KCNAB2: variants seen among roughly 807,000 people sequenced by gnomAD.
KCNAB2 encodes potassium voltage-gated channel subfamily A regulatory beta subunit 2.
A neutral mutation model predicts 63.6 loss-of-function variants in KCNAB2; 29 were observed. The observed-to-expected ratio is 0.46, with a 90% CI of 0.34 to 0.62. The LOEUF is 0.62. Among genes scored for constraint, KCNAB2 ranks in the 20% least tolerant of loss-of-function variants. The pLI, the probability that KCNAB2 is intolerant of heterozygous loss-of-function variation, is 0.01. For synonymous variants in KCNAB2, 222 were observed against 224.2 expected (o/e 0.99, Z 0.09); for missense variants, 359 against 563.9 (o/e 0.64, Z 3.68).
intron 1 of KCNAB2, among the ~76,000 whole-genome samples, chr1:6,004,982 GCAGGCA>G (rs1366942589): frequency 3.0e-4 from 33 of 110,292 alleles, no homozygotes; most frequent in South Asian, 1.5e-3. Context: ...GGATGAGGGT[GCAGGCA>G]GAGATCTGGG....
chr1:6,045,437 A>G (rs1660835311), upstream of KCNAB2, among the ~76,000 whole-genome samples: 1 of 152,126 alleles, frequency 6.6e-6, no homozygotes, highest in Non-Finnish European at 1.5e-5. This position sits in a 1 kb window ranked among gnomAD's most constrained non-coding sequence, Gnocchi z 4.8. Flanking sequence ...AGGTCAGGAC[A>G]TGTGCCGTGG....
At chr1:6,085,766 G>A (rs150185569) in intron 6 of KCNAB2, 372 of 909,424 alleles carry the variant, frequency 4.1e-4, no homozygotes, top group Middle Eastern at 5.6e-4. Flanking sequence ...CAGCCTCTCC[G>A]GAGCTCACTG....
Position 5,994,787 on chromosome 1 carries a change from C to A in KCNAB2, c.-53+1999C>A, listed in dbSNP as rs553305156. Among the ~76,000 whole-genome samples the A allele has an allele frequency of 1.3e-5, 2 of 152,268 alleles. No individual in the cohort carries two copies. The highest frequency in any genetic ancestry group is 3.9e-4 in the East Asian group (2 of 5,176). The stretch of plus-strand genomic sequence containing the variant: ...AAAGGCCGAGGGTGCCATGGGCTGG[C>A]CAGCTAGAGAAGGCTTCCTCGCTTT... On this transcript the variant is annotated intron_variant, in intron 1 of 16. Coordinates refer to the KCNAB2 transcript ENST00000341524. This position sits in a 1 kb window ranked among gnomAD's most constrained non-coding sequence, Gnocchi z 5.4.
intron 1 of KCNAB2, among the ~76,000 whole-genome samples, chr1:6,039,203 G>T (rs187907346): frequency 6.6e-6 from 1 of 152,186 alleles, no homozygotes; most frequent in Admixed American, 6.5e-5. Context: ...GCAAGCATCC[G>T]CAGACAGTGT....
chr1:6,021,061 C>G (rs763969841), intron 1 of KCNAB2, among the ~76,000 whole-genome samples: 12 of 152,204 alleles, frequency 7.9e-5, no homozygotes, highest in Non-Finnish European at 1.5e-4. Flanking sequence ...GGCACAATCA[C>G]AGCTCACTGC....
intron 1 of KCNAB2, among the ~76,000 whole-genome samples, chr1:5,998,786 T>G (rs569027507): frequency 6.6e-6 from 1 of 152,260 alleles, no homozygotes; most frequent in African/African-American, 2.4e-5. Context: ...TTCCAAGCAC[T>G]CGCCAACCAA....
intron 1 of KCNAB2, among the ~76,000 whole-genome samples, chr1:6,047,522 C>G (rs1017039753): frequency 1.5e-4 from 23 of 152,168 alleles, no homozygotes; most frequent in African/African-American, 5.3e-4. Flanking sequence ...GGAGTCCCCC[C>G]CACACAAGAG....
rs975122734 is a variant in KCNAB2 at position 6,046,159 on chromosome 1, C to T, written c.-51C>T. The T allele has an allele frequency of 3.0e-5, 30 of 985,246 alleles. No homozygotes were observed. The highest frequency in any genetic ancestry group is 1.1e-4 in the East Asian group (1 of 8,820). 61.0% of individuals were successfully genotyped at this position (985,246 alleles called of 1,614,324 possible). On this transcript the variant is annotated 5_prime_UTR_variant, in exon 1 of 16. The change creates a new upstream start codon in the 5' untranslated region. Coordinates refer to ENST00000378083, the MANE Select transcript of KCNAB2 (RefSeq NM_001199862.2). The stretch of plus-strand genomic sequence containing the variant: ...ATAAACCAGACTGTGGCCTTTTTAA[C>T]GAGCAGACGCCCCCACGAAGGCAGG...
Position 6,012,329 on chromosome 1 carries a change from T to C in KCNAB2, c.-53+19541T>C, listed in dbSNP as rs372474484. ...TGGTGGGTGGAGGTGGAGATGGAGG[T>C]AGTGGTGGAGGTGATGAAGGCGGAG... On this transcript the variant is annotated intron_variant, in intron 1 of 16. Coordinates refer to the KCNAB2 transcript ENST00000341524. Among the ~76,000 whole-genome samples, 9 of 9,692 alleles carry C rather than the reference T, an allele frequency of 9.3e-4. 1 individual carries two copies. Among genetic ancestry groups the C allele is most frequent in the South Asian group, 6.2e-3 (1 of 162 alleles). 6.4% of individuals were successfully genotyped at this position (9,692 alleles called of 152,430 possible). A position where few individuals can be genotyped will look rare whatever the true frequency, so the allele number is the denominator to read the frequency against.
Position 6,100,194 on chromosome 1 carries a change from A to C in KCNAB2, c.*1620A>C. On this transcript the variant is annotated 3_prime_UTR_variant, in exon 16 of 16. Transcript: ENST00000378083. ...GGCCTGGGAAACTGTGAAAGTCAGA[A>C]AGGCCAGCGGGGAGAGGCTGGGGCG... 8.8e-7 allele frequency: 1 copy of C among 1,131,204 alleles called. No homozygotes were observed. The highest frequency in any genetic ancestry group is 1.2e-6 in the Non-Finnish European group (1 of 846,716). The allele number at this position is 1,131,204 out of a possible 1,614,324, so 70.1% of individuals were successfully genotyped here. A position where few individuals can be genotyped will look rare whatever the true frequency, so the allele number is the denominator to read the frequency against.
rs1318850123 is a variant in KCNAB2, at chr1:6,097,326, A to T, written c.1127A>T (p.Asp376Val). The part of the protein sequence containing the change: ...SSVLLGASNA[D>V]QLMENIGAIQ... ...GTGCTCCTGGGGGCCTCCAATGCGG[A>T]CCAGCTCATGGAGAACATTGGGGCA... Residue 376 changes from aspartate to valine, a missense_variant, in exon 15 of 16, where the codon GAC becomes GTC. This residue lies in a region of KCNAB2 where 271 missense variants were observed against 476.1 expected (regional missense o/e 0.57). Transcript: ENST00000378083. 5 of 1,552,978 alleles carry T rather than the reference A, an allele frequency of 3.2e-6. No individual in the cohort carries two copies. Among genetic ancestry groups the T allele is most frequent in the Non-Finnish European group, 2.6e-6 (3 of 1,147,642 alleles).
chr1:6,011,317 G>A (rs1658132629), intron 1 of KCNAB2, among the ~76,000 whole-genome samples: 1 of 151,324 alleles, frequency 6.6e-6, no homozygotes, highest in Non-Finnish European at 1.5e-5. Flanking sequence ...CTGTGCCCAG[G>A]GCCAAGTGTG....
At chr1:5,996,087 G>A (rs1656921892) in intron 1 of KCNAB2, 1 of 152,326 alleles carries the variant, frequency 6.6e-6, no homozygotes, top group Admixed American at 6.5e-5. Flanking sequence ...ATCTTCGGGT[G>A]AGTCTATTAA....
In KCNAB2 at chr1:6,040,770, C is replaced by T. The variant is rs1005010560; in HGVS notation, c.77+125C>T. On this transcript the variant is annotated intron_variant, in intron 2 of 15. Coordinates refer to the KCNAB2 transcript ENST00000164247. The stretch of plus-strand genomic sequence containing the variant: ...CCCAAGCAGGGCCCACAGGCTTCTG[C>T]CTTCCACGGGGTTTTGAGGTGCACG... 2.1e-5 allele frequency: 13 copies of T among 629,916 alleles called. No individual in the cohort carries two copies. In the African/African-American group the frequency reaches 2.4e-4, roughly 12 times the overall value. 39.0% of individuals were successfully genotyped at this position (629,916 alleles called of 1,614,324 possible).
intron 1 of KCNAB2, among the ~76,000 whole-genome samples, chr1:6,050,273 G>T (rs761113487): frequency 6.6e-6 from 1 of 152,220 alleles, no homozygotes; most frequent in African/African-American, 2.4e-5. Context: ...CAGCTGAAAT[G>T]GTGACTTCCC....
intron 11 of KCNAB2, among the ~76,000 whole-genome samples, 177 bp from the exon 12 acceptor site, chr1:6,095,146 T>C (rs1334307856): frequency 6.6e-6 from 1 of 152,158 alleles, no homozygotes; most frequent in East Asian, 1.9e-4. Flanking sequence ...TTTTCCCAGC[T>C]CACCAGGGCC....
intron 2 of KCNAB2, among the ~76,000 whole-genome samples, chr1:6,063,626 G>T (rs1662506644): frequency 6.6e-6 from 1 of 151,956 alleles, no homozygotes. Flanking sequence ...AGCCAGGCTG[G>T]TCTCAAATTC....
At position 6,096,724 on chromosome 1, in the gene KCNAB2, G is replaced by A. The variant is rs1412008730; in HGVS notation, c.1037G>A (p.Arg346His). The A allele has an allele frequency of 7.5e-6, 12 of 1,593,428 alleles. No individual in the cohort carries two copies. The highest frequency in any genetic ancestry group is 3.4e-5 in the South Asian group (3 of 87,858). Reference protein sequence around the residue: ...KLKELQAIAERLGCTLPQLAI... With the variant: ...KLKELQAIAEHLGCTLPQLAI... ...AAGGAGCTGCAGGCCATCGCCGAGC[G>A]CCTGGGCTGCACCCTGCCCCAGCTG... The change falls in exon 14 of 16, where the codon CGC (arginine) becomes CAC (histidine). Residue 346 changes from arginine to histidine, a missense_variant. Coordinates refer to ENST00000378083, the MANE Select transcript of KCNAB2 (RefSeq NM_001199862.2). This position sits in a 1 kb window ranked among gnomAD's most constrained non-coding sequence, Gnocchi z 5.9.
At chr1:6,079,514 A>G (rs1163560241) in intron 4 of KCNAB2, among the ~76,000 whole-genome samples, 2 of 143,266 alleles carry the variant, frequency 1.4e-5, no homozygotes, top group African/African-American at 2.5e-5. Flanking sequence ...ATGAGACTCC[A>G]TCTCCCAAAA....
Sources: gnomAD v4.1 joint callset for allele counts (sites outside exome capture counted in the v4.1 genomes callset) on GRCh38, gnomAD v4.1.1 for gene constraint, gnomAD v4.1.1 regional missense constraint, Gnocchi (gnomAD v3.1) non-coding constraint, MANE v1.5 for transcripts, NCBI Gene and HGNC (gene_info 2026-07-23, HGNC 2026-07-21) for gene names.